CAPNS1: variants seen among roughly 807,000 people sequenced by gnomAD.
CAPNS1 encodes the protein CANP small subunit.
Under a neutral mutation model 39.2 loss-of-function variants are expected in CAPNS1, and 32 were observed. The observed-to-expected ratio is 0.82, with a 90% CI of 0.62 to 1.10. CAPNS1 has a LOEUF of 1.10. Among genes scored for constraint, CAPNS1 ranks in the 50% least tolerant of loss-of-function variants. CAPNS1 has a pLI of 0.00. For synonymous variants in CAPNS1, 153 were observed against 136.2 expected (o/e 1.12, Z -0.86); for missense variants, 353 against 373.1 (o/e 0.95, Z 0.44).
rs968588963 is a variant in CAPNS1, at chr19:36,149,912, C to G, written c.*73C>G. 1.5e-6 allele frequency: 2 copies of G among 1,316,696 alleles called. No homozygotes were observed. Among genetic ancestry groups the G allele is most frequent in the Non-Finnish European group, 2.0e-6 (2 of 1,004,450 alleles). The allele number at this position is 1,316,696 out of a possible 1,614,324, so 81.6% of individuals were successfully genotyped here. ...CTGGAGCCTCGGTCTCTCCCAGGGC[C>G]GATCCTGTCTGCAGTCACATCTTTG... is the stretch of plus-strand genomic sequence containing the variant. On this transcript the variant is annotated 3_prime_UTR_variant, in exon 11 of 11. Transcript: ENST00000246533.
chr19:36,144,250 T>TAGTCCCAGCTACTCGGG (rs1304770535), intron 6 of CAPNS1: 3 of 151,756 alleles, frequency 2.0e-5, no homozygotes, highest in Non-Finnish European at 4.4e-5. Context: ...TGCACGCCTG[T>TAGTCCCAGCTACTCGGG]AGTCCCAGCT....
intron 2 of CAPNS1, 187 bp downstream of exon 2, chr19:36,141,407 G>A: frequency 4.5e-6 from 6 of 1,329,064 alleles, no homozygotes; most frequent in Non-Finnish European, 5.8e-6. Context: ...CAGTGAGGCG[G>A]ATATCAGTCA....
At chr19:36,141,674 A>G in intron 2 of CAPNS1, 1 of 874,950 alleles carries the variant, frequency 1.1e-6, no homozygotes, top group Non-Finnish European at 1.4e-6. Flanking sequence ...AGGAAGCAAG[A>G]CCTAATGGGG....
chr19:36,142,477 G>T, intron 3 of CAPNS1, 144 bp downstream of exon 3: 1 of 687,870 alleles, frequency 1.5e-6, no homozygotes, highest in South Asian at 1.7e-5. Context: ...CTGCAGCTTC[G>T]CCATGGGTCT....
Position 36,149,836 on chromosome 19 carries a change from C to T in CAPNS1, c.804C>T (p.Ser268=), listed in dbSNP as rs370505539. The change falls in exon 11 of 11, where the codon TCC becomes TCT. Residue 268 remains serine, a synonymous_variant. Transcript: ENST00000246533. Reference sequence around the variant, plus strand: ...AGTGGCTGCAGCTGACTATGTATTCCTGAACTGGAGCCCCAGACCCGCCCC... The same window carrying T: ...AGTGGCTGCAGCTGACTATGTATTCTTGAACTGGAGCCCCAGACCCGCCCC... ...IQEWLQLTMY[S] 6.1e-6 allele frequency: 9 copies of T among 1,472,484 alleles called. No homozygotes were observed. In the African/African-American group the frequency reaches 1.3e-4, roughly 21 times the overall value. The allele number at this position is 1,472,484 out of a possible 1,614,324, so 91.2% of individuals were successfully genotyped here.
chr19:36,149,958 G>A lies in CAPNS1; in HGVS notation c.*119G>A. ...CTTTGTGGGGCCTGCTGACCCACAA[G>A]CTTTTGTTCTCTCAGTACTTGTTAC... is the stretch of plus-strand genomic sequence containing the variant. On this transcript the variant is annotated 3_prime_UTR_variant, in exon 11 of 11. Coordinates refer to ENST00000246533, the MANE Select transcript of CAPNS1 (RefSeq NM_001749.4). The A allele has an allele frequency of 1.0e-6, 1 of 979,496 alleles. No individual in the cohort carries two copies. Among genetic ancestry groups the A allele is most frequent in the Non-Finnish European group, 1.4e-6 (1 of 714,140 alleles). The allele number at this position is 979,496 out of a possible 1,614,324, so 60.7% of individuals were successfully genotyped here. A position where few individuals can be genotyped will look rare whatever the true frequency, so the allele number is the denominator to read the frequency against.
Position 36,150,160 on chromosome 19 carries a change from C to T in CAPNS1, c.*321C>T, listed in dbSNP as rs746754417. 1 of 282,254 alleles carries T rather than the reference C, an allele frequency of 3.5e-6. No homozygotes were observed. Among genetic ancestry groups the T allele is most frequent in the South Asian group, 1.5e-4 (1 of 6,466 alleles). The allele number at this position is 282,254 out of a possible 1,614,324, so 17.5% of individuals were successfully genotyped here. A position where few individuals can be genotyped will look rare whatever the true frequency, so the allele number is the denominator to read the frequency against. On this transcript the variant is annotated 3_prime_UTR_variant, in exon 11 of 11. Coordinates refer to ENST00000246533, the MANE Select transcript of CAPNS1 (RefSeq NM_001749.4). ...CCTAGCACTTGTGATGCCTCCATGC[C>T]CCGAGGGCCCTCTCTCAGTTCTGGG...
intron 10 of CAPNS1, 77 bp from the exon 11 acceptor site, chr19:36,149,736 A>G: frequency 6.3e-7 from 1 of 1,591,672 alleles, no homozygotes; most frequent in Non-Finnish European, 8.6e-7. Context: ...CTATTTTGCC[A>G]GCCGTCCCTG....
chr19:36,144,508 T>C (rs1974496773), intron 6 of CAPNS1, among the ~76,000 whole-genome samples: 1 of 152,214 alleles, frequency 6.6e-6, no homozygotes, highest in Non-Finnish European at 1.5e-5. Context: ...GGGCCAGCCA[T>C]TAGCTGATCT....
intron 6 of CAPNS1, 146 bp from the exon 7 acceptor site, chr19:36,145,660 G>A (rs1398343123): frequency 2.0e-5 from 12 of 609,694 alleles, no homozygotes; most frequent in East Asian, 1.1e-4. Context: ...AAATAAAACC[G>A]CACACCAGGT....
intron 1 of CAPNS1, chr19:36,140,722 C>G (rs1371385929): frequency 5.1e-6 from 2 of 392,236 alleles, no homozygotes; most frequent in Non-Finnish European, 9.0e-6. Flanking sequence ...GGGTCCCCAC[C>G]AAGAGAACCC....
chr19:36,147,301 A>T (rs181751385), intron 9 of CAPNS1, among the ~76,000 whole-genome samples: 10 of 152,284 alleles, frequency 6.6e-5, no homozygotes, highest in African/African-American at 2.2e-4. Context: ...TTGAACTTGG[A>T]TCTATCTGAG....
intron 2 of CAPNS1, 133 bp from the exon 3 acceptor site, chr19:36,142,167 C>T: frequency 1.3e-6 from 1 of 762,568 alleles, no homozygotes; most frequent in Non-Finnish European, 2.4e-6. Flanking sequence ...AGGACAAGAA[C>T]AAATGAAAGG....
At chr19:36,142,205 G>T in intron 2 of CAPNS1, 95 bp from the exon 3 acceptor site, 1 of 810,134 alleles carries the variant, frequency 1.2e-6, no homozygotes, top group East Asian at 2.4e-5. Flanking sequence ...GAAGATAACG[G>T]CTGGGGTCTG....
chr19:36,140,844 C>T, intron 1 of CAPNS1, 153 bp from the exon 2 acceptor site: 2 of 1,173,668 alleles, frequency 1.7e-6, no homozygotes, highest in East Asian at 3.0e-5. Flanking sequence ...CCATACCTGC[C>T]CCACCCATCC....
rs1335044834 is a variant in CAPNS1, at chr19:36,142,155, T to C, written c.210-145T>C. 6.7e-6 allele frequency: 5 copies of C among 743,292 alleles called. No individual in the cohort carries two copies. The African/African-American group carries it at 8.6e-5, about 13-fold the overall frequency. 46.0% of individuals were successfully genotyped at this position (743,292 alleles called of 1,614,324 possible). A position where few individuals can be genotyped will look rare whatever the true frequency, so the allele number is the denominator to read the frequency against. Reference sequence around the variant, plus strand: ...CCAGGGCAGTGTGGATTGGGACAGATGAGGACAAGAACAAATGAAAGGCAC... The same window carrying C: ...CCAGGGCAGTGTGGATTGGGACAGACGAGGACAAGAACAAATGAAAGGCAC... On this transcript the variant is annotated intron_variant, in intron 2 of 10. Transcript: ENST00000246533.
At chr19:36,149,000 G>A (rs1351206184) in intron 9 of CAPNS1, among the ~76,000 whole-genome samples, 1 of 152,198 alleles carries the variant, frequency 6.6e-6, no homozygotes, top group Non-Finnish European at 1.5e-5. Context: ...GCAGGAAGTA[G>A]AGTGTGCAGA....
At chr19:36,144,337 G>T (rs17884776) in intron 6 of CAPNS1, among the ~76,000 whole-genome samples, 5,233 of 152,114 alleles carry the variant, frequency 0.034, 121 homozygotes, top group Non-Finnish European at 0.049. Context: ...CAGAGGTTTC[G>T]TCACTGCACT....
In CAPNS1 at chr19:36,141,042, G is replaced by T. The variant is rs768772206; in HGVS notation, c.31G>T (p.Gly11Cys). Residue 11 changes from glycine (G) to cysteine (C), a missense_variant, in exon 2 of 11, where the codon GGC (glycine) becomes TGC (cysteine). By Grantham distance (159) the Gly-to-Cys change is radical. Transcript: ENST00000246533. MFLVNSFLKGGGGGGGGGGGL... is the reference protein window; with the variant it reads MFLVNSFLKGCGGGGGGGGGL... ...CCTGGTTAACTCGTTCTTGAAGGGCGGCGGCGGCGGCGGCGGGGGAGGCGG... is the reference window on the plus strand; with the variant it reads ...CCTGGTTAACTCGTTCTTGAAGGGCTGCGGCGGCGGCGGCGGGGGAGGCGG... The T allele has an allele frequency of 5.8e-6, 9 of 1,563,502 alleles. No homozygotes were observed. The highest frequency in any genetic ancestry group is 2.3e-5 in the South Asian group (2 of 87,800).
Sources: gnomAD v4.1 joint callset for allele counts (sites outside exome capture counted in the v4.1 genomes callset) on GRCh38, gnomAD v4.1.1 for gene constraint, MANE v1.5 for transcripts, NCBI Gene and HGNC (gene_info 2026-07-23, HGNC 2026-07-21) for gene names.